Variants in HDAC9 observed in about 807,000 individuals in gnomAD.
The protein encoded by HDAC9 is MEF-2 interacting transcription repressor (MITR) protein.
In HDAC9, 41 loss-of-function variants were observed where a neutral mutation model predicts 139.4. The observed-to-expected ratio is 0.29, with a 90% CI of 0.23 to 0.38. HDAC9 has a LOEUF of 0.38. Ranked by LOEUF, HDAC9 falls within the 10% of genes least tolerant of loss-of-function variation. The pLI is 1.00. For missense variants in HDAC9, 1,147 were observed against 1,297.0 expected (o/e 0.88, Z 1.78); for synonymous variants, 517 against 476.2 (o/e 1.09, Z -1.12).
At chr7:18,377,351 G>A (rs1368806816) in intron 1 of HDAC9, among the ~76,000 whole-genome samples, 1 of 152,180 alleles carries the variant, frequency 6.6e-6, no homozygotes, top group East Asian at 1.9e-4. Flanking sequence ...AACGTATTCA[G>A]TATATAGTGT....
intron 22 of HDAC9, among the ~76,000 whole-genome samples, chr7:18,923,850 G>T (rs1424515864): frequency 6.6e-6 from 1 of 151,880 alleles, no homozygotes; most frequent in Non-Finnish European, 1.5e-5. Context: ...AATACGCTAT[G>T]GAATATGTAA....
chr7:18,549,800 A>G (rs1385873638), intron 2 of HDAC9, among the ~76,000 whole-genome samples: 2 of 151,816 alleles, frequency 1.3e-5, no homozygotes, highest in Non-Finnish European at 2.9e-5. Flanking sequence ...ACACCCACAC[A>G]TACACACAGT....
intron 16 of HDAC9, among the ~76,000 whole-genome samples, chr7:18,785,483 G>A (rs1422468213): frequency 6.6e-6 from 1 of 151,984 alleles, no homozygotes; most frequent in African/African-American, 2.4e-5. Flanking sequence ...CTGTCATTGA[G>A]ATCCACTGCT....
chr7:18,904,035 A>G (rs1324954044), intron 22 of HDAC9, among the ~76,000 whole-genome samples: 3 of 152,222 alleles, frequency 2.0e-5, no homozygotes, highest in African/African-American at 4.8e-5. Context: ...TTCGATAGTC[A>G]TAATTACAAT....
intron 17 of HDAC9, among the ~76,000 whole-genome samples, chr7:18,825,088 A>G (rs1163711423): frequency 6.6e-6 from 1 of 152,220 alleles, no homozygotes; most frequent in Non-Finnish European, 1.5e-5. Flanking sequence ...ATTTTGGTAT[A>G]GAGTTTCAAG....
chr7:18,970,572 T>C lies in HDAC9; in HGVS notation c.3023-5234T>C, dbSNP rs1784181897. On this transcript the variant is annotated intron_variant, in intron 24 of 25. Coordinates refer to ENST00000686413, the MANE Select transcript of HDAC9 (RefSeq NM_178425.4). ...TTATGCACCAATTTTCAATGTGTCT[T>C]TATTTTTGCATTTAAACAATGTTTT... 2.6e-5 allele frequency among the ~76,000 whole-genome samples: 4 copies of C among 152,218 alleles called. No homozygotes were observed. In the South Asian group the frequency reaches 6.2e-4, roughly 24 times the overall value.
chr7:18,147,907 A>G (rs7789571), intron 1 of HDAC9, among the ~76,000 whole-genome samples: 20,618 of 152,050 alleles, frequency 0.14, 2,552 homozygotes, highest in African/African-American at 0.33. Context: ...ATCCATTTTG[A>G]CATATATAGC....
At chr7:18,358,967 C>A (rs138076386) in intron 1 of HDAC9, among the ~76,000 whole-genome samples, 1 of 152,352 alleles carries the variant, frequency 6.6e-6, no homozygotes, top group Non-Finnish European at 1.5e-5. Flanking sequence ...TGCCCAAGGA[C>A]AACAGCTAAT....
At chr7:18,748,977 C>T in intron 13 of HDAC9, 28 bp from the exon 14 acceptor site, 1 of 1,608,042 alleles carries the variant, frequency 6.2e-7, no homozygotes, top group Non-Finnish European at 8.5e-7. Flanking sequence ...GTTACTCAAT[C>T]TTGTCCTGTA....
intron 6 of HDAC9, among the ~76,000 whole-genome samples, chr7:18,594,420 A>T (rs1831889085): frequency 6.6e-6 from 1 of 152,128 alleles, no homozygotes; most frequent in Admixed American, 6.6e-5. Flanking sequence ...AAACGAGAAT[A>T]ATAAAGTTTA....
At chr7:18,491,054 A>T (rs117218926), upstream of HDAC9, among the ~76,000 whole-genome samples, 4 of 151,996 alleles carry the variant, frequency 2.6e-5, no homozygotes, top group East Asian at 7.8e-4. Flanking sequence ...TGGTAGAATA[A>T]ATTGGGTTAC....
intron 22 of HDAC9, among the ~76,000 whole-genome samples, chr7:18,897,470 A>G (rs1257563409): frequency 6.6e-6 from 1 of 152,002 alleles, no homozygotes; most frequent in Non-Finnish European, 1.5e-5. Flanking sequence ...ATGCAGTGTT[A>G]CAATTTACTA....
chr7:18,264,391 G>A (rs1457910580), intron 2 of HDAC9, among the ~76,000 whole-genome samples: 2 of 152,008 alleles, frequency 1.3e-5, no homozygotes, highest in Middle Eastern at 3.4e-3. Context: ...TCAAATATAT[G>A]GGAATTAAAC....
At chr7:18,929,332 A>G (rs1804519175) in intron 22 of HDAC9, among the ~76,000 whole-genome samples, 1 of 152,156 alleles carries the variant, frequency 6.6e-6, no homozygotes, top group Non-Finnish European at 1.5e-5. Context: ...ATAATCAAAA[A>G]TATTAAATTT....
At chr7:18,147,824 T>C (rs2128116274) in intron 1 of HDAC9, among the ~76,000 whole-genome samples, 1 of 152,190 alleles carries the variant, frequency 6.6e-6, no homozygotes, top group East Asian at 1.9e-4. Flanking sequence ...TCTTGAACTT[T>C]ATATATGTGG....
intron 2 of HDAC9, among the ~76,000 whole-genome samples, chr7:18,183,768 G>T (rs1251943969): frequency 1.3e-5 from 2 of 152,038 alleles, no homozygotes; most frequent in Non-Finnish European, 2.9e-5. Context: ...TACAGACATG[G>T]GCCATCACAC....
intron 25 of HDAC9, among the ~76,000 whole-genome samples, chr7:18,985,315 C>G (rs538039491): frequency 6.6e-6 from 1 of 151,722 alleles, no homozygotes; most frequent in Non-Finnish European, 1.5e-5. Flanking sequence ...TGAGAATATG[C>G]GGTGTTTGGT....
intron 16 of HDAC9, among the ~76,000 whole-genome samples, chr7:18,783,649 G>C (rs1791442121): frequency 7.1e-6 from 1 of 141,742 alleles, no homozygotes; most frequent in Non-Finnish European, 1.5e-5. Context: ...AACTCAACTA[G>C]TTCTGCTGAG....
chr7:18,527,411 TAA>T (rs1807306354), intron 2 of HDAC9, among the ~76,000 whole-genome samples: 1 of 152,162 alleles, frequency 6.6e-6, no homozygotes, highest in Non-Finnish European at 1.5e-5. Context: ...GAAAAAAGTT[TAA>T]ACATTGAGAA....
Sources: gnomAD v4.1 joint callset for allele counts (sites outside exome capture counted in the v4.1 genomes callset) on GRCh38, gnomAD v4.1.1 for gene constraint, MANE v1.5 for transcripts, NCBI Gene and HGNC (gene_info 2026-07-23, HGNC 2026-07-21) for gene names.